Variants in FBN2 observed in about 807,000 individuals in gnomAD.
The protein encoded by FBN2 is fibrillin 2, also known as fibrillin-2.
A neutral mutation model predicts 355.6 loss-of-function variants in FBN2; 105 were observed. The observed-to-expected ratio is 0.30, with a 90% CI of 0.25 to 0.35. The LOEUF (loss-of-function observed/expected upper bound fraction) is 0.35. FBN2 is among the 10% of genes least tolerant of loss of function. FBN2 has a pLI of 1.00. For missense variants in FBN2, 3,280 were observed against 3,758.7 expected (o/e 0.87, Z 3.33); for synonymous variants, 1,350 against 1,301.2 (o/e 1.04, Z -0.81).
At chr5:128,512,414 G>A (rs912834240) in intron 5 of FBN2, among the ~76,000 whole-genome samples, 1 of 151,138 alleles carries the variant, frequency 6.6e-6, no homozygotes, top group African/African-American at 2.4e-5. Context: ...TCAGGAGGCT[G>A]AGGCAGGAGA....
intron 5 of FBN2, among the ~76,000 whole-genome samples, chr5:128,509,709 A>C (rs1373955306): frequency 6.6e-6 from 1 of 151,954 alleles, no homozygotes; most frequent in African/African-American, 2.4e-5. Context: ...AATATTCTTA[A>C]ACTTTCTAGA....
In FBN2 at chr5:128,310,115, T is replaced by G. The variant is rs946913190; in HGVS notation, c.5075-7A>C. On this transcript the variant is annotated splice_polypyrimidine_tract_variant and splice_region_variant and intron_variant, in intron 39 of 64. Transcript: ENST00000262464. The stretch of plus-strand genomic sequence containing the variant: ...GCAAAACACTCATCAATATCTAGAG[T>G]AGGCAAGAATATCTATTAATTAATA... The G allele has an allele frequency of 6.2e-7, 1 of 1,605,380 alleles. No individual in the cohort carries two copies. The highest frequency in any genetic ancestry group is 1.7e-5 in the Admixed American group (1 of 59,958).
At chr5:128,351,058 T>G in intron 20 of FBN2, 53 bp from the exon 21 acceptor site, 1 of 1,605,850 alleles carries the variant, frequency 6.2e-7, no homozygotes, top group Non-Finnish European at 8.5e-7. Context: ...GAAAATAGAA[T>G]TCAGCTGTGT....
At position 128,409,149 on chromosome 5, in the gene FBN2, C is replaced by A. The variant is rs568412138; in HGVS notation, c.953-350G>T. Reference sequence around the variant, plus strand: ...ACTAGAGCCTTTAAAAAAACACATACATGGATTACATTTTAAAATATAGAA... The same window carrying A: ...ACTAGAGCCTTTAAAAAAACACATAAATGGATTACATTTTAAAATATAGAA... On this transcript the variant is annotated intron_variant, in intron 7 of 64. Coordinates refer to ENST00000262464, the MANE Select transcript of FBN2 (RefSeq NM_001999.4). 3.3e-5 allele frequency among the ~76,000 whole-genome samples: 5 copies of A among 152,148 alleles called. No homozygotes were observed. The South Asian group carries it at 1.0e-3, about 31-fold the overall frequency.
rs886039059 is a variant in FBN2 at position 128,338,105 on chromosome 5, G to A, written c.3490C>T (p.Arg1164Cys). 2 of 1,613,986 alleles carry A rather than the reference G, an allele frequency of 1.2e-6. No homozygotes were observed. The highest frequency in any genetic ancestry group is 1.7e-6 in the Non-Finnish European group (2 of 1,179,916). Reference protein sequence around the residue: ...KNCMDIDECERNPLLCRGGTC... With the variant: ...KNCMDIDECECNPLLCRGGTC... The stretch of plus-strand genomic sequence containing the variant: ...CCACCCCTACAAAGGAGAGGGTTAC[G>A]TTCACATTCGTCAATGTCTGAAAGG... Residue 1164 changes from arginine (R) to cysteine (C), a missense_variant, in exon 27 of 65, where the codon CGT becomes TGT. This residue lies in a region of FBN2 where 2,284 missense variants were observed against 2,749.5 expected (regional missense o/e 0.83). Coordinates refer to ENST00000262464, the MANE Select transcript of FBN2 (RefSeq NM_001999.4).
chr5:128,374,026 A>C (rs185408879), intron 15 of FBN2, among the ~76,000 whole-genome samples: 1 of 152,208 alleles, frequency 6.6e-6, no homozygotes, highest in Admixed American at 6.5e-5. Context: ...TCCCCATTAC[A>C]TATCTTATTT....
Position 128,408,772 on chromosome 5 carries a change from C to G in FBN2, c.980G>C (p.Gly327Ala). Residue 327 changes from glycine to alanine, a missense_variant, in exon 8 of 65, where the codon GGG becomes GCG. Transcript: ENST00000262464. ...GGAACATTCACCAGTTTCACATATC[C>G]CAGGAATGATGCTGCACTCATCAAT... Reference protein sequence around the residue: ...EDIDECSIIPGICETGECSNT... With the variant: ...EDIDECSIIPAICETGECSNT... The G allele has an allele frequency of 6.2e-7, 1 of 1,613,830 alleles. No individual in the cohort carries two copies. The highest frequency in any genetic ancestry group is 8.5e-7 in the Non-Finnish European group (1 of 1,179,858).
intron 18 of FBN2, among the ~76,000 whole-genome samples, chr5:128,362,570 C>T (rs1190136284): frequency 1.3e-5 from 2 of 152,230 alleles, no homozygotes; most frequent in Non-Finnish European, 2.9e-5. Context: ...AAGCAATCCT[C>T]CTGCCACAGC....
chr5:128,392,011 A>G lies in FBN2; in HGVS notation c.1603+7T>C, dbSNP rs1477450908. 4.3e-6 allele frequency: 7 copies of G among 1,613,028 alleles called. No individual in the cohort carries two copies. The highest frequency in any genetic ancestry group is 4.5e-5 in the East Asian group (2 of 44,812). On this transcript the variant is annotated splice_region_variant and intron_variant, in intron 11 of 64. Transcript: ENST00000262464. The stretch of plus-strand genomic sequence containing the variant: ...TAAGAAGGATTATTAAAGAATCACA[A>G]ACTTACCTATACAATCTCCATTTGC...
At chr5:128,338,319 G>C (rs985695059) in intron 26 of FBN2, among the ~76,000 whole-genome samples, 197 bp from the exon 27 acceptor site, 2 of 152,204 alleles carry the variant, frequency 1.3e-5, no homozygotes, top group Non-Finnish European at 2.9e-5. Context: ...CTTAAAGGTA[G>C]TAAGCTTTCA....
chr5:128,414,562 T>C (rs1333304619), intron 7 of FBN2, among the ~76,000 whole-genome samples: 1 of 152,164 alleles, frequency 6.6e-6, no homozygotes, highest in Non-Finnish European at 1.5e-5. Flanking sequence ...TTTTTATTTT[T>C]TGGCTATTAT....
chr5:128,519,871 A>G (rs1756383652), intron 4 of FBN2, among the ~76,000 whole-genome samples: 1 of 152,112 alleles, frequency 6.6e-6, no homozygotes, highest in Admixed American at 6.5e-5. Context: ...GAAAAATCAG[A>G]GAAGAAAAGG....
intron 7 of FBN2, chr5:128,442,234 A>G (rs1463951303): frequency 3.2e-5 from 14 of 441,696 alleles, no homozygotes; most frequent in Non-Finnish European, 5.9e-5. Flanking sequence ...GAAACTTTCC[A>G]ATACAATGAT....
chr5:128,511,752 GGGT>G (rs1412239097), intron 5 of FBN2, among the ~76,000 whole-genome samples: 1 of 152,172 alleles, frequency 6.6e-6, no homozygotes, highest in Non-Finnish European at 1.5e-5. Flanking sequence ...TAGGAAGGTA[GGGT>G]GGTCAAAGAA....
Position 128,337,478 on chromosome 5 carries a change from G to A in FBN2, c.3598+519C>T, listed in dbSNP as rs186653037. On this transcript the variant is annotated intron_variant, in intron 27 of 64. Transcript: ENST00000262464. ...ATTGTGAAAAGCAATAGGTTGCAAC[G>A]CCCAAAGACCAGTCATTAGTCTTCT... 9.1e-4 allele frequency among the ~76,000 whole-genome samples: 138 copies of A among 152,278 alleles called. No homozygotes were observed. In the Middle Eastern group the frequency reaches 0.014, roughly 15 times the overall value.
intron 23 of FBN2, among the ~76,000 whole-genome samples, chr5:128,348,633 A>C (rs1481634699): frequency 2.0e-5 from 3 of 152,136 alleles, no homozygotes; most frequent in Non-Finnish European, 2.9e-5. Context: ...AAATCTATGT[A>C]AAGTTCTTTT....
intron 55 of FBN2, among the ~76,000 whole-genome samples, chr5:128,283,599 C>T (rs1749046317): frequency 1.3e-5 from 2 of 152,314 alleles, no homozygotes; most frequent in Admixed American, 6.5e-5. Flanking sequence ...AGCCCTGCTC[C>T]TCCTACTCTC....
intron 48 of FBN2, among the ~76,000 whole-genome samples, chr5:128,299,651 G>A (rs963121956): frequency 1.4e-4 from 22 of 152,146 alleles, no homozygotes; most frequent in African/African-American, 2.2e-4. Flanking sequence ...TGCGCTTCCC[G>A]AGTGAGGCAA....
At chr5:128,356,402 C>G (rs39940) in intron 20 of FBN2, among the ~76,000 whole-genome samples, 1 of 152,024 alleles carries the variant, frequency 6.6e-6, no homozygotes, top group South Asian at 2.1e-4. Flanking sequence ...CTATTGTCTT[C>G]GACAAATATG....
Sources: allele counts gnomAD v4.1 joint callset (sites outside exome capture counted in the v4.1 genomes callset), GRCh38; gene constraint gnomAD v4.1.1; regional missense constraint gnomAD v4.1.1; transcripts MANE v1.5; gene names NCBI Gene and HGNC (gene_info 2026-07-23, HGNC 2026-07-21).